PRKCB: variants seen among roughly 807,000 people sequenced by gnomAD.
The protein encoded by PRKCB is protein kinase C beta.
A neutral mutation model predicts 81.5 loss-of-function variants in PRKCB; 13 were observed. The ratio of observed to expected loss-of-function variants is 0.16; its 90% CI spans 0.10 to 0.25. The LOEUF (loss-of-function observed/expected upper bound fraction) is 0.25. Ranked by LOEUF, PRKCB falls within the 10% of genes least tolerant of loss-of-function variation. The pLI, the probability that PRKCB is intolerant of heterozygous loss-of-function variation, is 1.00. For synonymous variants in PRKCB, 335 were observed against 321.4 expected, an observed-to-expected ratio of 1.04 and a Z score of -0.45; for missense variants, 509 against 875.7, an observed-to-expected ratio of 0.58 and a Z score of 5.29.
intron 3 of PRKCB, among the ~76,000 whole-genome samples, chr16:24,010,197 C>T (rs538649283): frequency 1.2e-4 from 18 of 152,246 alleles, no homozygotes; most frequent in African/African-American, 4.3e-4. Flanking sequence ...ACAGGCATGT[C>T]CCATTGGCCC....
At chr16:23,949,281 G>A (rs1340003214) in intron 2 of PRKCB, among the ~76,000 whole-genome samples, 3 of 152,250 alleles carry the variant, frequency 2.0e-5, no homozygotes, top group Non-Finnish European at 2.9e-5. Context: ...GCCAGCCCCT[G>A]GGGCCTCCTT....
At chr16:24,204,016 A>G (rs1315561572) in intron 16 of PRKCB, among the ~76,000 whole-genome samples, 1 of 151,894 alleles carries the variant, frequency 6.6e-6, no homozygotes, top group African/African-American at 2.4e-5. Context: ...TTGGGATGGG[A>G]ATATGGGTAG....
intron 9 of PRKCB, among the ~76,000 whole-genome samples, chr16:24,131,443 T>C (rs16973268): frequency 0.046 from 7,014 of 152,340 alleles, 553 homozygotes; most frequent in African/African-American, 0.16. Context: ...TTGGCATTTG[T>C]GTGACACTCT....
At chr16:24,153,766 A>G (rs534716050) in intron 9 of PRKCB, among the ~76,000 whole-genome samples, 1 of 152,358 alleles carries the variant, frequency 6.6e-6, no homozygotes, top group Admixed American at 6.5e-5. Flanking sequence ...CCCCAAGACA[A>G]CAGGAGAGGC....
At chr16:23,846,359 C>T (rs946010298) in intron 2 of PRKCB, among the ~76,000 whole-genome samples, 2 of 151,970 alleles carry the variant, frequency 1.3e-5, no homozygotes, top group Non-Finnish European at 2.9e-5. Flanking sequence ...CCTGTAATCC[C>T]AGCACTTTGG....
At chr16:24,096,667 ATATATATATATATATATAT>A (rs1439962408) in intron 7 of PRKCB, among the ~76,000 whole-genome samples, 8 of 17,808 alleles carry the variant, frequency 4.5e-4, no homozygotes, top group African/African-American at 8.5e-4. Context: ...AAAAAAAAAA[ATATATATATATATATATAT>A]ATATATATAT....
intron 6 of PRKCB, among the ~76,000 whole-genome samples, chr16:24,093,727 A>G (rs972069275): frequency 6.6e-6 from 1 of 152,184 alleles, no homozygotes; most frequent in Non-Finnish European, 1.5e-5. Flanking sequence ...TCTCAGCCTC[A>G]GTCAAGGACA....
At position 24,214,949 on chromosome 16, in the gene PRKCB, C is replaced by G; in HGVS notation, c.*133C>G. ...TGATGAGACTAGAGTGACAGTGTTT[C>G]AGAACCCAAATGTCCTCAGGTAGTT... On this transcript the variant is annotated 3_prime_UTR_variant, in exon 17 of 17. Transcript: ENST00000643927. The G allele has an allele frequency of 6.7e-7, 1 of 1,500,294 alleles. No homozygotes were observed. The highest frequency in any genetic ancestry group is 8.8e-7 in the Non-Finnish European group (1 of 1,130,844). The allele number at this position is 1,500,294 out of a possible 1,614,324, so 92.9% of individuals were successfully genotyped here.
intron 6 of PRKCB, among the ~76,000 whole-genome samples, chr16:24,093,346 C>A (rs1355907637): frequency 6.6e-6 from 1 of 152,126 alleles, no homozygotes; most frequent in African/African-American, 2.4e-5. Flanking sequence ...TGGCCTGCAG[C>A]CTTCTGGGAC....
At chr16:24,014,206 C>T (rs553804903) in intron 3 of PRKCB, among the ~76,000 whole-genome samples, 2 of 152,224 alleles carry the variant, frequency 1.3e-5, no homozygotes, top group South Asian at 2.1e-4. Context: ...TTACGGGACC[C>T]CCCACTTAGC....
chr16:24,089,989 A>G (rs748752515), intron 5 of PRKCB, among the ~76,000 whole-genome samples: 4 of 152,188 alleles, frequency 2.6e-5, no homozygotes, highest in African/African-American at 7.2e-5. Flanking sequence ...ATTGAGGTTC[A>G]TATGTGTGAA....
rs560687464 is a variant in PRKCB, at chr16:24,160,822, G to A, written c.1239+5965G>A. Among the ~76,000 whole-genome samples, 332 of 152,272 alleles carry A rather than the reference G, an allele frequency of 2.2e-3. 1 individual carries two copies. The highest frequency in any genetic ancestry group is 7.7e-3 in the African/African-American group (321 of 41,550). ...AAGGATGACATCTGAGCAGAGACCA[G>A]GGCAAGCAAGGGAGCGGGGCATGTG... On this transcript the variant is annotated intron_variant, in intron 10 of 16. Coordinates refer to ENST00000643927, the MANE Select transcript of PRKCB (RefSeq NM_002738.7).
At chr16:24,040,023 A>G (rs575995470) in intron 5 of PRKCB, among the ~76,000 whole-genome samples, 43 of 152,300 alleles carry the variant, frequency 2.8e-4, no homozygotes, top group Non-Finnish European at 4.7e-4. Context: ...AGGATTTTCC[A>G]CTGACCATCA....
At chr16:24,179,886 G>A (rs1967591817) in intron 12 of PRKCB, among the ~76,000 whole-genome samples, 1 of 151,874 alleles carries the variant, frequency 6.6e-6, no homozygotes, top group Non-Finnish European at 1.5e-5. Context: ...TGCTTATCTT[G>A]TTTACTGCTA....
chr16:23,962,617 T>A (rs1009414821), intron 2 of PRKCB, among the ~76,000 whole-genome samples: 3 of 152,244 alleles, frequency 2.0e-5, no homozygotes, highest in African/African-American at 7.2e-5. Context: ...CTCCAATGAC[T>A]GGCTCCATTG....
chr16:24,212,461 CTTTTT>C (rs975667798), intron 16 of PRKCB, among the ~76,000 whole-genome samples: 3 of 78,042 alleles, frequency 3.8e-5, no homozygotes, highest in African/African-American at 4.9e-5. Flanking sequence ...CTTTTTTTTC[CTTTTT>C]TTTTTTTTTT....
intron 2 of PRKCB, among the ~76,000 whole-genome samples, chr16:23,950,109 C>T (rs1442965934): frequency 6.8e-6 from 1 of 146,426 alleles, no homozygotes; most frequent in Non-Finnish European, 1.5e-5. Context: ...CTGCCAACAG[C>T]AGCATTGGCC....
At chr16:23,999,455 A>G (rs1965003790) in intron 3 of PRKCB, among the ~76,000 whole-genome samples, 1 of 152,214 alleles carries the variant, frequency 6.6e-6, no homozygotes, top group African/African-American at 2.4e-5. Flanking sequence ...TGAACCAGGC[A>G]CTGTCCCGTG....
At chr16:23,860,309 A>G (rs1439550408) in intron 2 of PRKCB, among the ~76,000 whole-genome samples, 1 of 152,134 alleles carries the variant, frequency 6.6e-6, no homozygotes, top group East Asian at 1.9e-4. Context: ...ACATAGAAAT[A>G]TCATGAATAG....
Sources: gnomAD v4.1 joint callset for allele counts (sites outside exome capture counted in the v4.1 genomes callset) on GRCh38, gnomAD v4.1.1 for gene constraint, MANE v1.5 for transcripts, NCBI Gene and HGNC (gene_info 2026-07-23, HGNC 2026-07-21) for gene names.